The following SVIL variants were observed in gnomAD, a reference collection of about 807,000 sequenced individuals.
SVIL encodes the protein archvillin.
In SVIL, 101 loss-of-function variants were observed where a neutral mutation model predicts 240.4. The ratio of observed to expected loss-of-function variants is 0.42; its 90% CI spans 0.36 to 0.50. The LOEUF (loss-of-function observed/expected upper bound fraction) is 0.50. SVIL is among the 20% of genes least tolerant of loss of function. SVIL has a pLI of 0.01. For missense variants in SVIL, 2,512 were observed against 2,818.7 expected (o/e 0.89, Z 2.46); for synonymous variants, 999 against 1,100.0 (o/e 0.91, Z 1.82).
chr10:29,499,574 C>T (rs1400467368), intron 17 of SVIL, among the ~76,000 whole-genome samples: 2 of 152,060 alleles, frequency 1.3e-5, no homozygotes, highest in African/African-American at 4.8e-5. Flanking sequence ...GTTTTCATGC[C>T]CTGGACTCTA....
chr10:29,521,920 G>A (rs536244090), intron 16 of SVIL, among the ~76,000 whole-genome samples: 2 of 152,226 alleles, frequency 1.3e-5, no homozygotes, highest in Non-Finnish European at 2.9e-5. Flanking sequence ...ATCTGTAAAA[G>A]AAACAAAACT....
intron 1 of SVIL, among the ~76,000 whole-genome samples, chr10:29,602,863 G>GTAAT (rs1028834046): frequency 6.6e-6 from 1 of 152,164 alleles, no homozygotes; most frequent in African/African-American, 2.4e-5. Flanking sequence ...GCAGGCACCT[G>GTAAT]TAATTCCAGC....
chr10:29,697,130 C>T (rs1962135448), intron 1 of SVIL, among the ~76,000 whole-genome samples: 2 of 107,304 alleles, frequency 1.9e-5, no homozygotes, highest in South Asian at 7.4e-4. Context: ...CCGCTCCGTC[C>T]GGGAGGGAGG....
intron 3 of SVIL, among the ~76,000 whole-genome samples, chr10:29,557,093 C>A (rs1954000560): frequency 6.7e-6 from 1 of 149,714 alleles, no homozygotes; most frequent in Non-Finnish European, 1.5e-5. Flanking sequence ...CTTTTCTTTT[C>A]TCCCCCCTCC....
chr10:29,733,616 T>C (rs1964742691), intron 1 of SVIL, among the ~76,000 whole-genome samples: 3 of 152,186 alleles, frequency 2.0e-5, no homozygotes, highest in Admixed American at 1.3e-4. Context: ...TTGATTTATG[T>C]TTTAAGAGAA....
intron 1 of SVIL, among the ~76,000 whole-genome samples, chr10:29,581,206 G>C (rs749995354): frequency 1.3e-5 from 2 of 152,150 alleles, no homozygotes; most frequent in Non-Finnish European, 2.9e-5. Flanking sequence ...ATTTTCTTTG[G>C]TGGATTTTCT....
chr10:29,685,711 A>C (rs1476459440), intron 2 of SVIL, among the ~76,000 whole-genome samples: 3 of 152,164 alleles, frequency 2.0e-5, no homozygotes, highest in African/African-American at 7.2e-5. Context: ...GGCCACGTGT[A>C]TGTCTTCTTT....
chr10:29,705,325 T>C (rs1367677941), intron 1 of SVIL, among the ~76,000 whole-genome samples: 1 of 152,146 alleles, frequency 6.6e-6, no homozygotes, highest in Non-Finnish European at 1.5e-5. Context: ...ACTGTGAATA[T>C]TACCTGACAC....
intron 3 of SVIL, among the ~76,000 whole-genome samples, chr10:29,648,087 T>C (rs1391781139): frequency 6.6e-6 from 1 of 151,630 alleles, no homozygotes; most frequent in Non-Finnish European, 1.5e-5. Context: ...TGCAGCCACA[T>C]GGAGTTAAGA....
At chr10:29,691,247 T>TG (rs2132614203) in intron 1 of SVIL, among the ~76,000 whole-genome samples, 1 of 151,620 alleles carries the variant, frequency 6.6e-6, no homozygotes, top group South Asian at 2.1e-4. Context: ...AGTCTCACTC[T>TG]GTCGCCCAGG....
In SVIL at chr10:29,521,617, C is replaced by T. The variant is rs922667597; in HGVS notation, c.3389+793G>A. ...GAATGTCCATCACCTCAGTACAATA[C>T]GTTTTTATTTAGTCACCCTACTCTG... On this transcript the variant is annotated intron_variant, in intron 16 of 37. Transcript: ENST00000355867. 2.0e-5 allele frequency among the ~76,000 whole-genome samples: 3 copies of T among 152,288 alleles called. No homozygotes were observed. The East Asian group carries it at 5.8e-4, about 29-fold the overall frequency.
chr10:29,653,711 T>G (rs182054240), intron 3 of SVIL, among the ~76,000 whole-genome samples: 58 of 152,322 alleles, frequency 3.8e-4, no homozygotes, highest in African/African-American at 1.2e-3. Context: ...TTTGAGTTAA[T>G]TTTTGTTTAT....
At chr10:29,646,273 G>C (rs1191880198) in intron 3 of SVIL, among the ~76,000 whole-genome samples, 2 of 152,182 alleles carry the variant, frequency 1.3e-5, no homozygotes, top group Admixed American at 1.3e-4. Context: ...TGTTCCACAT[G>C]CCTGAATTGG....
intron 2 of SVIL, among the ~76,000 whole-genome samples, chr10:29,660,514 G>A (rs188933857): frequency 7.2e-5 from 11 of 152,294 alleles, no homozygotes; most frequent in South Asian, 2.1e-4. Flanking sequence ...AGGCTGAGGT[G>A]GGAGGATCGC....
chr10:29,464,733 G>A (rs1944687831), intron 34 of SVIL, among the ~76,000 whole-genome samples: 1 of 152,108 alleles, frequency 6.6e-6, no homozygotes, highest in Non-Finnish European at 1.5e-5. Context: ...ATGTGCACTG[G>A]GCAAACTTTC....
At chr10:29,575,134 G>A (rs1331071572) in intron 1 of SVIL, among the ~76,000 whole-genome samples, 1 of 152,210 alleles carries the variant, frequency 6.6e-6, no homozygotes, top group African/African-American at 2.4e-5. Flanking sequence ...AAATGCACAT[G>A]AAATTACTGT....
At chr10:29,467,664 G>T in intron 33 of SVIL, 78 bp downstream of exon 33, 1 of 1,572,594 alleles carries the variant, frequency 6.4e-7, no homozygotes, top group Non-Finnish European at 8.6e-7. Flanking sequence ...CTATACTCCA[G>T]CCTGGATAAC....
Position 29,527,111 on chromosome 10 carries a change from G to A in SVIL, c.2247-55C>T, listed in dbSNP as rs147373448. On this transcript the variant is annotated intron_variant, in intron 12 of 37. Transcript: ENST00000355867. The stretch of plus-strand genomic sequence containing the variant: ...TTCATAAGGAGAGAGAAGAAAAGAA[G>A]CATTAAGGACAGCATAGTTTTAAAT... The A allele has an allele frequency of 2.1e-3, 3,137 of 1,462,980 alleles. 4 individuals carry two copies. The highest frequency in any genetic ancestry group is 2.6e-3 in the Non-Finnish European group (2,777 of 1,051,092). The allele number at this position is 1,462,980 out of a possible 1,614,324, so 90.6% of individuals were successfully genotyped here. A position where few individuals can be genotyped will look rare whatever the true frequency, so the allele number is the denominator to read the frequency against.
At chr10:29,490,077 G>C (rs1947801771) in intron 22 of SVIL, among the ~76,000 whole-genome samples, 1 of 152,130 alleles carries the variant, frequency 6.6e-6, no homozygotes, top group Admixed American at 6.5e-5. Flanking sequence ...GATGAGAGCA[G>C]TGTGGCTCAG....
Sources: allele counts gnomAD v4.1 joint callset (sites outside exome capture counted in the v4.1 genomes callset), GRCh38; gene constraint gnomAD v4.1.1; transcripts MANE v1.5; gene names NCBI Gene and HGNC (gene_info 2026-07-23, HGNC 2026-07-21).